Variants in SYTL3 observed in about 807,000 individuals in gnomAD.
SYTL3 encodes synaptotagmin like 3.
SYTL3 carries 88 observed loss-of-function variants against 82.1 expected under a neutral mutation model. The observed-to-expected ratio is 1.07, with a 90% CI of 0.90 to 1.28. The LOEUF is 1.28. Among genes scored for constraint, SYTL3 ranks in the 50% most tolerant of loss-of-function variants. SYTL3 has a pLI of 0.00. For missense variants in SYTL3, 831 were observed against 757.6 expected (o/e 1.10, Z -1.14); for synonymous variants, 311 against 289.4 (o/e 1.07, Z -0.76).
intron 13 of SYTL3, among the ~76,000 whole-genome samples, chr6:158,755,938 A>G (rs139441864): frequency 9.8e-5 from 15 of 152,298 alleles, no homozygotes; most frequent in Admixed American, 3.3e-4. Context: ...GGGTCACTGA[A>G]TTTCCAAGCT....
chr6:158,654,380 T>A lies in SYTL3; in HGVS notation c.-637+2538T>A, dbSNP rs138462105. 7.0e-4 allele frequency among the ~76,000 whole-genome samples: 106 copies of A among 152,334 alleles called. 1 individual carries two copies. The East Asian group carries it at 0.018, about 25-fold the overall frequency. On this transcript the variant is annotated intron_variant, in intron 2 of 17. Transcript: ENST00000611299. ...GAGGCCAATAAAATCAGTGTTGAAC[T>A]GACACACTCAATGCCGTAACCAAAC... is the stretch of plus-strand genomic sequence containing the variant.
chr6:158,671,025 T>C (rs1777315713), intron 5 of SYTL3, among the ~76,000 whole-genome samples: 1 of 151,882 alleles, frequency 6.6e-6, no homozygotes, highest in African/African-American at 2.4e-5. Flanking sequence ...AGGATGGTCT[T>C]GATCTCCTGA....
intron 14 of SYTL3, among the ~76,000 whole-genome samples, chr6:158,758,225 G>A (rs1168748330): frequency 6.6e-6 from 1 of 152,130 alleles, no homozygotes; most frequent in African/African-American, 2.4e-5. Flanking sequence ...CAGATCACAA[G>A]GTCAGGAGAT....
chr6:158,722,690 C>A (rs117532170), intron 10 of SYTL3, among the ~76,000 whole-genome samples: 2 of 151,098 alleles, frequency 1.3e-5, no homozygotes, highest in East Asian at 1.9e-4. Flanking sequence ...GCCTAAAAAC[C>A]GTCAGGAGGG....
At chr6:158,646,149 C>G (rs1180297198), upstream of SYTL3, among the ~76,000 whole-genome samples, 1 of 152,050 alleles carries the variant, frequency 6.6e-6, no homozygotes, top group Non-Finnish European at 1.5e-5. Flanking sequence ...TATTTAGAGA[C>G]AGGGTGTCAT....
chr6:158,670,576 G>A (rs1487174763), intron 5 of SYTL3, among the ~76,000 whole-genome samples: 1 of 152,030 alleles, frequency 6.6e-6, no homozygotes, highest in Admixed American at 6.5e-5. Flanking sequence ...GACGTCAGGA[G>A]TTCAAGACCA....
At chr6:158,720,423 AAAG>A (rs921579929) in intron 10 of SYTL3, among the ~76,000 whole-genome samples, 2 of 151,612 alleles carry the variant, frequency 1.3e-5, no homozygotes, top group Non-Finnish European at 2.9e-5. Context: ...AAAAAAAAAA[AAAG>A]CCTGAGTTTT....
chr6:158,756,966 G>A (rs1789191206), intron 13 of SYTL3, among the ~76,000 whole-genome samples: 1 of 151,562 alleles, frequency 6.6e-6, no homozygotes, highest in Admixed American at 6.6e-5. Context: ...GGGCACCTGG[G>A]GAGTAGGGGG....
chr6:158,759,087 CCT>C (rs1391736429), intron 14 of SYTL3, among the ~76,000 whole-genome samples: 5 of 152,224 alleles, frequency 3.3e-5, no homozygotes, highest in Non-Finnish European at 7.3e-5. Flanking sequence ...CTCTCCCACA[CCT>C]CTGTCATCAG....
At chr6:158,681,393 G>C (rs1200982015) in intron 5 of SYTL3, among the ~76,000 whole-genome samples, 2 of 152,178 alleles carry the variant, frequency 1.3e-5, no homozygotes, top group Non-Finnish European at 2.9e-5. Context: ...GGGAGCTGCT[G>C]TCAGACCAGT....
At chr6:158,680,644 C>T (rs971640798) in intron 5 of SYTL3, among the ~76,000 whole-genome samples, 9 of 150,992 alleles carry the variant, frequency 6.0e-5, no homozygotes, top group Non-Finnish European at 7.4e-5. Context: ...GTCAGCTACT[C>T]AGGAGACTGA....
rs560547617 is a variant in SYTL3, at chr6:158,734,094, C to CAAAAAAA, written c.855+8473_855+8479dup. Reference sequence around the variant, plus strand: ...TGGGCAACAGAGCGAGACCCTGTCTCAAAAAAAAAAAAAAAAAAAAAAGAA... The same window carrying CAAAAAAA: ...TGGGCAACAGAGCGAGACCCTGTCTCAAAAAAAAAAAAAAAAAAAAAAAAAAAAAGAA... On this transcript the variant is annotated intron_variant, in intron 11 of 17. Transcript: ENST00000611299. Among the ~76,000 whole-genome samples, 284 of 74,476 alleles carry CAAAAAAA rather than the reference C, an allele frequency of 3.8e-3. 4 individuals are homozygous for CAAAAAAA. Among genetic ancestry groups the CAAAAAAA allele is most frequent in the African/African-American group, 0.014 (257 of 18,064 alleles). 48.9% of individuals were successfully genotyped at this position (74,476 alleles called of 152,430 possible).
At position 158,668,191 on chromosome 6, in the gene SYTL3, G is replaced by A. The variant is rs1010002162; in HGVS notation, c.329+2578G>A. Among the ~76,000 whole-genome samples the A allele has an allele frequency of 8.6e-5, 13 of 151,762 alleles. 1 individual carries two copies. The highest frequency in any genetic ancestry group is 3.2e-4 in the African/African-American group (13 of 41,224). On this transcript the variant is annotated intron_variant, in intron 5 of 17. Coordinates refer to ENST00000611299, the MANE Select transcript of SYTL3 (RefSeq NM_001242394.2). ...CCTTCTGAATCTCCAGTCCTCTCCC[G>A]CCTGCTAGGAGCCTTGTCCTGGGAG...
chr6:158,752,164 G>A (rs1788482329), intron 13 of SYTL3, 134 bp downstream of exon 13: 5 of 505,530 alleles, frequency 9.9e-6, no homozygotes, highest in Admixed American at 4.3e-5. Context: ...ATGTTTCTTC[G>A]CAGCTCTGTC....
chr6:158,721,222 T>C (rs1784075548), intron 10 of SYTL3, among the ~76,000 whole-genome samples: 1 of 152,126 alleles, frequency 6.6e-6, no homozygotes, highest in South Asian at 2.1e-4. Flanking sequence ...GTTGGTTTCT[T>C]TGTTTCATTT....
chr6:158,680,263 T>G (rs1319448992), intron 5 of SYTL3, among the ~76,000 whole-genome samples: 2 of 152,166 alleles, frequency 1.3e-5, no homozygotes, highest in Non-Finnish European at 2.9e-5. Flanking sequence ...CCACAAGTAC[T>G]CCAGGGGAAA....
rs1395906346 is a variant in SYTL3 at position 158,663,391 on chromosome 6, T to TC, written c.110+16dup. On this transcript the variant is annotated intron_variant, in intron 4 of 17. Transcript: ENST00000611299. ...AGGAGAGGACACGGTAGGCTGCCCT[T>TC]CCCGGGGGGTCACTTTGGGTGTTTA... 5 of 1,612,318 alleles carry TC rather than the reference T, an allele frequency of 3.1e-6. No homozygotes were observed. Among genetic ancestry groups the TC allele is most frequent in the Non-Finnish European group, 4.2e-6 (5 of 1,179,692 alleles).
intron 6 of SYTL3, among the ~76,000 whole-genome samples, chr6:158,698,792 T>C (rs1046141211): frequency 1.3e-5 from 2 of 150,822 alleles, no homozygotes; most frequent in East Asian, 1.9e-4. Context: ...AAGATCCATA[T>C]ATTATGACAG....
At chr6:158,721,869 T>G (rs891807433) in intron 10 of SYTL3, among the ~76,000 whole-genome samples, 3 of 151,654 alleles carry the variant, frequency 2.0e-5, no homozygotes, top group Admixed American at 6.6e-5. Context: ...CTGAGCTCAA[T>G]CGGATGCCTG....
Sources: gnomAD v4.1 joint callset for allele counts (sites outside exome capture counted in the v4.1 genomes callset) on GRCh38, gnomAD v4.1.1 for gene constraint, MANE v1.5 for transcripts, NCBI Gene and HGNC (gene_info 2026-07-23, HGNC 2026-07-21) for gene names.